The following PSD3 variants were observed in gnomAD, a reference collection of about 807,000 sequenced individuals.
PSD3 encodes PH and SEC7 domain-containing protein 3.
Under a neutral mutation model 105.5 loss-of-function variants are expected in PSD3, and 49 were observed. That is an observed-to-expected ratio of 0.46 (90% CI 0.37 to 0.59). The LOEUF (loss-of-function observed/expected upper bound fraction) is 0.59, where lower values mean the gene tolerates loss of function less well. Among genes scored for constraint, PSD3 ranks in the 20% least tolerant of loss-of-function variants. The pLI, the probability that PSD3 is intolerant of heterozygous loss-of-function variation, is 0.00. For synonymous variants in PSD3, 557 were observed against 457.8 expected, an observed-to-expected ratio of 1.22 and a Z score of -2.77; for missense variants, 1,561 against 1,263.8, an observed-to-expected ratio of 1.24 and a Z score of -3.57.
intron 4 of PSD3, among the ~76,000 whole-genome samples, chr8:18,856,046 G>A (rs1815982186): frequency 6.6e-6 from 1 of 152,070 alleles, no homozygotes; most frequent in African/African-American, 2.4e-5. Flanking sequence ...TCACTCTCAA[G>A]TCCCCAAATC....
chr8:18,593,204 A>G (rs1211575513), intron 12 of PSD3, among the ~76,000 whole-genome samples: 1 of 152,206 alleles, frequency 6.6e-6, no homozygotes, highest in Non-Finnish European at 1.5e-5. Context: ...GAATGGGAGA[A>G]AATTTTTCCA....
At chr8:18,552,599 C>T (rs1481202299) in intron 15 of PSD3, among the ~76,000 whole-genome samples, 2 of 152,046 alleles carry the variant, frequency 1.3e-5, no homozygotes, top group African/African-American at 4.8e-5. Context: ...TGATCTGTTT[C>T]CCAATATACT....
chr8:18,869,276 G>A (rs1244929459), intron 3 of PSD3, among the ~76,000 whole-genome samples: 2 of 143,096 alleles, frequency 1.4e-5, no homozygotes, highest in East Asian at 2.1e-4. Context: ...TGCAGCCTCC[G>A]CCTCCCAGGT....
intron 9 of PSD3, among the ~76,000 whole-genome samples, chr8:18,707,827 A>G (rs560877963): frequency 2.6e-5 from 4 of 152,202 alleles, no homozygotes; most frequent in African/African-American, 4.8e-5. Context: ...GAGACGCAAA[A>G]AGGAAAGCCT....
intron 15 of PSD3, among the ~76,000 whole-genome samples, chr8:18,541,965 C>T (rs1800174500): frequency 1.3e-5 from 2 of 152,056 alleles, no homozygotes. Context: ...GTTGGTCAGG[C>T]TGGTCTCAAA....
chr8:18,616,595 C>A (rs112315486), intron 11 of PSD3, among the ~76,000 whole-genome samples: 30,501 of 149,592 alleles, frequency 0.2, 3,333 homozygotes, highest in Non-Finnish European at 0.26. Context: ...AACACCTTTG[C>A]TAGCCAGGCC....
chr8:18,545,593 C>G (rs569870610), intron 15 of PSD3, among the ~76,000 whole-genome samples: 1 of 152,226 alleles, frequency 6.6e-6, no homozygotes, highest in Non-Finnish European at 1.5e-5. Flanking sequence ...TAAATTTTGC[C>G]TAAGGATAAA....
intron 1 of PSD3, among the ~76,000 whole-genome samples, chr8:18,943,883 C>T (rs905980204): frequency 6.6e-6 from 1 of 151,954 alleles, no homozygotes; most frequent in Non-Finnish European, 1.5e-5. Flanking sequence ...GCACCCTATA[C>T]TTCACCATGC....
chr8:19,006,989 T>G (rs1326419288), intron 1 of PSD3, among the ~76,000 whole-genome samples: 2 of 152,034 alleles, frequency 1.3e-5, no homozygotes, highest in Middle Eastern at 3.2e-3. Context: ...GCCCAGTGGC[T>G]CACACCTGTA....
At chr8:18,583,361 G>A (rs984908156) in intron 12 of PSD3, among the ~76,000 whole-genome samples, 20 of 152,122 alleles carry the variant, frequency 1.3e-4, no homozygotes, top group African/African-American at 4.3e-4. Context: ...CCTGGTTGGG[G>A]TCAAGGCTGC....
intron 4 of PSD3, among the ~76,000 whole-genome samples, chr8:18,818,022 C>T (rs1380782495): frequency 3.9e-5 from 6 of 152,152 alleles, no homozygotes; most frequent in African/African-American, 1.4e-4. Flanking sequence ...GGCGCGATCT[C>T]GGCTCACTGC....
chr8:18,878,178 A>G (rs1182590422), intron 2 of PSD3, among the ~76,000 whole-genome samples: 2 of 152,040 alleles, frequency 1.3e-5, no homozygotes, highest in Non-Finnish European at 2.9e-5. Flanking sequence ...CAGATTTTCA[A>G]TTTATTCCCC....
chr8:18,939,743 T>G (rs1822403306), intron 1 of PSD3, among the ~76,000 whole-genome samples: 1 of 152,228 alleles, frequency 6.6e-6, no homozygotes, highest in Non-Finnish European at 1.5e-5. Context: ...ATCTAGAATT[T>G]TATCAGACTA....
intron 9 of PSD3, among the ~76,000 whole-genome samples, chr8:18,745,962 A>C (rs1563218895): frequency 6.6e-6 from 1 of 152,262 alleles, no homozygotes; most frequent in Non-Finnish European, 1.5e-5. Context: ...TGATAGAGGC[A>C]GACAAATGCC....
chr8:19,083,646 C>T (rs757689944), intron 1 of PSD3, among the ~76,000 whole-genome samples: 7 of 151,328 alleles, frequency 4.6e-5, no homozygotes, highest in East Asian at 1.9e-4. Flanking sequence ...GGCTGTGCTC[C>T]GGTTCTGGAA....
Position 18,594,264 on chromosome 8 carries a change from AT to A in PSD3, c.2481+6099del, listed in dbSNP as rs1161883146. 8.8e-5 allele frequency among the ~76,000 whole-genome samples: 2 copies of A among 22,664 alleles called. 1 individual carries two copies. The highest frequency in any genetic ancestry group is 2.0e-3 in the South Asian group (2 of 976). The allele number at this position is 22,664 out of a possible 152,430, so 14.9% of individuals were successfully genotyped here. A position where few individuals can be genotyped will look rare whatever the true frequency, so the allele number is the denominator to read the frequency against. On this transcript the variant is annotated intron_variant, in intron 12 of 15. Coordinates refer to ENST00000327040, the MANE Select transcript of PSD3 (RefSeq NM_015310.4). Reference sequence around the variant, plus strand: ...TTATTATATATATTATATAATATATATTATTATATATATTATATAATATATA... The same window carrying A: ...TTATTATATATATTATATAATATATATATTATATATATTATATAATATATA...
chr8:18,747,447 C>A (rs942901473), intron 9 of PSD3, among the ~76,000 whole-genome samples: 2 of 152,140 alleles, frequency 1.3e-5, no homozygotes, highest in South Asian at 4.1e-4. Context: ...GTAATGTATT[C>A]TCAAAGTCAG....
intron 1 of PSD3, among the ~76,000 whole-genome samples, chr8:18,998,985 C>A (rs542660262): frequency 1.3e-5 from 2 of 151,906 alleles, no homozygotes; most frequent in Non-Finnish European, 2.9e-5. Flanking sequence ...TCTTAAAAAC[C>A]TAAAATTATC....
At chr8:18,667,939 C>G (rs538858688) in intron 9 of PSD3, among the ~76,000 whole-genome samples, 237 of 152,358 alleles carry the variant, frequency 1.6e-3, no homozygotes, top group African/African-American at 5.1e-3. Context: ...CTAAGCCCCT[C>G]ACTGCCCGAG....
Sources: gnomAD v4.1 joint callset for allele counts (sites outside exome capture counted in the v4.1 genomes callset) on GRCh38, gnomAD v4.1.1 for gene constraint, MANE v1.5 for transcripts, NCBI Gene and HGNC (gene_info 2026-07-23, HGNC 2026-07-21) for gene names.